The following CHRDL1 variants were observed in gnomAD, a reference collection of about 807,000 sequenced individuals.
CHRDL1 encodes chordin like 1.
In CHRDL1, 19 loss-of-function variants were observed where a neutral mutation model predicts 40.9. That is an observed-to-expected ratio of 0.46 (90% CI 0.32 to 0.68). CHRDL1 has a LOEUF of 0.68. Ranked by LOEUF, CHRDL1 falls within the 30% of genes least tolerant of loss-of-function variation. The pLI, the probability that CHRDL1 is intolerant of heterozygous loss-of-function variation, is 0.03. For missense variants in CHRDL1, 329 were observed against 352.1 expected, an observed-to-expected ratio of 0.93 and a Z score of 0.53; for synonymous variants, 136 against 123.4, an observed-to-expected ratio of 1.10 and a Z score of -0.68.
At chrX:110,739,001 T>A (rs777777989) in intron 4 of CHRDL1, among the ~76,000 whole-genome samples, 4 of 111,646 alleles carry the variant, frequency 3.6e-5, no homozygotes, top group African/African-American at 1.3e-4. Flanking sequence ...AGGATACATA[T>A]CCCAAACCTG....
intron 2 of CHRDL1, among the ~76,000 whole-genome samples, chrX:110,781,688 A>G (rs1168770445): frequency 9.0e-6 from 1 of 111,583 alleles, no homozygotes; most frequent in Non-Finnish European, 1.9e-5. Context: ...CAAGCTATAC[A>G]AATGTGGGTT....
intron 9 of CHRDL1, 150 bp from the exon 10 acceptor site, chrX:110,681,799 C>G (rs751156850): frequency 1.9e-4 from 91 of 470,041 alleles, no homozygotes; most frequent in Non-Finnish European, 2.9e-4. Flanking sequence ...GAAATTCCAC[C>G]CATACTTCAT....
chrX:110,778,895 C>T (rs1445069776), intron 2 of CHRDL1, among the ~76,000 whole-genome samples: 2 of 111,885 alleles, frequency 1.8e-5, no homozygotes, highest in African/African-American at 6.5e-5. Context: ...TGCACATATA[C>T]ACCATGGAAT....
chrX:110,767,065 C>T (rs2089673497), intron 2 of CHRDL1, among the ~76,000 whole-genome samples: 1 of 112,184 alleles, frequency 8.9e-6, no homozygotes, highest in African/African-American at 3.2e-5. Flanking sequence ...TGGTACACCA[C>T]ATAAACAGAA....
chrX:110,718,111 T>C (rs2070876594), intron 6 of CHRDL1, among the ~76,000 whole-genome samples: 1 of 112,104 alleles, frequency 8.9e-6, no homozygotes, highest in Non-Finnish European at 1.9e-5. Flanking sequence ...GGAGCTAACA[T>C]TATCCTCACT....
At chrX:110,696,282 C>T (rs1440378004) in intron 7 of CHRDL1, among the ~76,000 whole-genome samples, 1 of 111,253 alleles carries the variant, frequency 9.0e-6, no homozygotes, top group East Asian at 2.8e-4. Flanking sequence ...CGTCTCAGAC[C>T]TGGGACATAT....
intron 6 of CHRDL1, among the ~76,000 whole-genome samples, chrX:110,703,949 T>C (rs1170447579): frequency 9.1e-6 from 1 of 110,486 alleles, no homozygotes; most frequent in African/African-American, 3.3e-5. Flanking sequence ...ACGCTGGTAA[T>C]TGAACTTGTA....
At chrX:110,755,783 A>C (rs1036805520) in intron 4 of CHRDL1, among the ~76,000 whole-genome samples, 20 of 111,634 alleles carry the variant, frequency 1.8e-4, no homozygotes, top group African/African-American at 6.5e-4. Flanking sequence ...TTCTTTGACC[A>C]AACATTTCTG....
At chrX:110,680,038 T>C (rs1446770390) in intron 10 of CHRDL1, among the ~76,000 whole-genome samples, 1 of 111,853 alleles carries the variant, frequency 8.9e-6, no homozygotes, top group African/African-American at 3.3e-5. Context: ...CAATAACAGG[T>C]AGACAACTGA....
chrX:110,743,434 C>A (rs2071395838), intron 4 of CHRDL1, among the ~76,000 whole-genome samples: 1 of 112,098 alleles, frequency 8.9e-6, no homozygotes, highest in Non-Finnish European at 1.9e-5. Flanking sequence ...CTATCCAGTC[C>A]TGCCTTAAAA....
chrX:110,731,326 T>C (rs1007298641), intron 4 of CHRDL1, among the ~76,000 whole-genome samples: 5 of 111,044 alleles, frequency 4.5e-5, no homozygotes, highest in African/African-American at 1.6e-4. Flanking sequence ...AAGACAATAA[T>C]AACAAGGGTT....
chrX:110,732,954 T>C (rs1178613074), intron 4 of CHRDL1, among the ~76,000 whole-genome samples: 1 of 112,160 alleles, frequency 8.9e-6, no homozygotes, highest in Non-Finnish European at 1.9e-5. Context: ...TTCACAGGGA[T>C]ATATTATAAA....
intron 8 of CHRDL1, among the ~76,000 whole-genome samples, chrX:110,690,203 G>A (rs903568900): frequency 3.9e-5 from 4 of 103,372 alleles, no homozygotes; most frequent in South Asian, 4.2e-4. Flanking sequence ...CCGCCACCAC[G>A]CCCGGCTAAC....
At chrX:110,718,792 C>T (rs768850240) in intron 6 of CHRDL1, among the ~76,000 whole-genome samples, 2 of 111,703 alleles carry the variant, frequency 1.8e-5, no homozygotes, top group Non-Finnish European at 3.8e-5. Flanking sequence ...TCTGTATTTC[C>T]ACGTTTGCTT....
At chrX:110,717,740 T>C (rs1001997928) in intron 6 of CHRDL1, among the ~76,000 whole-genome samples, 2 of 112,366 alleles carry the variant, frequency 1.8e-5, no homozygotes, top group African/African-American at 6.5e-5. Flanking sequence ...CAAATACATG[T>C]TGGCATAAAA....
intron 2 of CHRDL1, among the ~76,000 whole-genome samples, chrX:110,780,222 G>GT (rs1383958677): frequency 1.8e-5 from 2 of 109,401 alleles, no homozygotes; most frequent in Non-Finnish European, 3.8e-5. Flanking sequence ...AGTTCATTCA[G>GT]TTTTTTTTCT....
intron 5 of CHRDL1, among the ~76,000 whole-genome samples, chrX:110,720,646 T>C (rs1289932632): frequency 8.9e-6 from 1 of 111,839 alleles, no homozygotes; most frequent in East Asian, 2.8e-4. Flanking sequence ...CTAAAAGTCC[T>C]AAAGGGAAGA....
chrX:110,693,730 G>A (rs1251106101), intron 8 of CHRDL1, among the ~76,000 whole-genome samples: 3 of 110,849 alleles, frequency 2.7e-5, no homozygotes, highest in African/African-American at 9.9e-5. Flanking sequence ...TATCTTTAAC[G>A]AGAGCCCCAG....
chrX:110,738,404 T>C (rs149192456), intron 4 of CHRDL1, among the ~76,000 whole-genome samples: 49 of 111,890 alleles, frequency 4.4e-4, no homozygotes, highest in Non-Finnish European at 8.5e-4. Flanking sequence ...TCTCCTGTTC[T>C]CAACAAACAA....
Sources: allele counts gnomAD v4.1 joint callset (sites outside exome capture counted in the v4.1 genomes callset), GRCh38; gene constraint gnomAD v4.1.1; transcripts MANE v1.5; gene names NCBI Gene and HGNC (gene_info 2026-07-23, HGNC 2026-07-21).